The following ROBO1 variants were observed in gnomAD, a reference collection of about 807,000 sequenced individuals.
The protein encoded by ROBO1 is roundabout homolog 1.
Under a neutral mutation model 195.9 loss-of-function variants are expected in ROBO1, and 149 were observed. That is an observed-to-expected ratio of 0.76 (90% CI 0.67 to 0.87). The LOEUF (loss-of-function observed/expected upper bound fraction) is 0.87. Ranked by LOEUF, ROBO1 falls within the 40% of genes least tolerant of loss-of-function variation. The probability of loss-of-function intolerance (pLI) is 0.00; values close to 1 mark genes in which losing one functional copy is unlikely to be tolerated. For missense variants in ROBO1, 1,933 were observed against 2,068.3 expected, an observed-to-expected ratio of 0.93 and a Z score of 1.27; for synonymous variants, 816 against 733.2, an observed-to-expected ratio of 1.11 and a Z score of -1.82.
chr3:78,702,571 A>C (rs2081444780), intron 8 of ROBO1, among the ~76,000 whole-genome samples: 1 of 152,212 alleles, frequency 6.6e-6, no homozygotes, highest in African/African-American at 2.4e-5. Flanking sequence ...GAACATTTTA[A>C]AATGTGCTAT....
At chr3:78,623,102 G>T (rs1704552956) in intron 26 of ROBO1, among the ~76,000 whole-genome samples, 1 of 152,188 alleles carries the variant, frequency 6.6e-6, no homozygotes, top group Non-Finnish European at 1.5e-5. Flanking sequence ...CGGGCACTAT[G>T]TTAGGAATTC....
intron 27 of ROBO1, among the ~76,000 whole-genome samples, 180 bp downstream of exon 27, chr3:78,617,455 G>C (rs1277542982): frequency 3.3e-5 from 5 of 151,398 alleles, no homozygotes; most frequent in Admixed American, 3.3e-4. Flanking sequence ...TCAAGGAAAA[G>C]GGAATAATCC....
chr3:79,435,162 T>C (rs1034226552), intron 2 of ROBO1, among the ~76,000 whole-genome samples: 8 of 152,122 alleles, frequency 5.3e-5, no homozygotes, highest in Admixed American at 2.6e-4. Context: ...TGTATACATA[T>C]GTAACAAACC....
intron 25 of ROBO1, among the ~76,000 whole-genome samples, chr3:78,628,541 C>T (rs1477691024): frequency 6.6e-6 from 1 of 152,068 alleles, no homozygotes; most frequent in East Asian, 1.9e-4. Context: ...GTATGTTTAT[C>T]GATTATAAGG....
At chr3:78,950,311 C>A (rs1375155712) in intron 3 of ROBO1, among the ~76,000 whole-genome samples, 1 of 151,926 alleles carries the variant, frequency 6.6e-6, no homozygotes, top group African/African-American at 2.4e-5. Flanking sequence ...CACGTATACA[C>A]CATGGAATAC....
Position 78,880,274 on chromosome 3 carries a change from T to C in ROBO1, c.499+58327A>G, listed in dbSNP as rs150471781. ...CAGTTAGGATCAGAAGATTGACTCCTACACAGTTATTTAAGATGTTAACAA... is the reference window on the plus strand; with the variant it reads ...CAGTTAGGATCAGAAGATTGACTCCCACACAGTTATTTAAGATGTTAACAA... On this transcript the variant is annotated intron_variant, in intron 4 of 30. Transcript: ENST00000464233. Among the ~76,000 whole-genome samples, 855 of 152,292 alleles carry C rather than the reference T, an allele frequency of 5.6e-3. 11 individuals carry two copies. Among genetic ancestry groups the C allele is most frequent in the African/African-American group, 0.019 (810 of 41,568 alleles).
chr3:79,289,092 A>AC (rs1553713668), intron 2 of ROBO1, among the ~76,000 whole-genome samples: 3 of 147,590 alleles, frequency 2.0e-5, no homozygotes, highest in Non-Finnish European at 3.0e-5. Flanking sequence ...AGGTGAAATC[A>AC]TTTTTTTTTT....
chr3:78,708,465 G>A (rs1022571948), intron 8 of ROBO1, among the ~76,000 whole-genome samples: 1 of 151,714 alleles, frequency 6.6e-6, no homozygotes, highest in Non-Finnish European at 1.5e-5. Flanking sequence ...AAAGAAAAAA[G>A]CATTTGCTTT....
chr3:79,589,951 C>A lies in ROBO1; in HGVS notation c.-40G>T, dbSNP rs779625708. On this transcript the variant is annotated 5_prime_UTR_variant, in exon 2 of 31. Transcript: ENST00000464233. Reference sequence around the variant, plus strand: ...TGCATTACAACCAGCCAGTGACAGACAATGTGTTATCTGGGGAGATTAAAA... The same window carrying A: ...TGCATTACAACCAGCCAGTGACAGAAAATGTGTTATCTGGGGAGATTAAAA... 17 of 1,394,458 alleles carry A rather than the reference C, an allele frequency of 1.2e-5. No homozygotes were observed. In the Admixed American group the frequency reaches 2.0e-4, roughly 17 times the overall value. 86.4% of individuals were successfully genotyped at this position (1,394,458 alleles called of 1,614,324 possible). A position where few individuals can be genotyped will look rare whatever the true frequency, so the allele number is the denominator to read the frequency against.
chr3:79,110,073 T>C (rs967886157), intron 3 of ROBO1, among the ~76,000 whole-genome samples: 1 of 151,964 alleles, frequency 6.6e-6, no homozygotes, highest in African/African-American at 2.4e-5. Context: ...ATTAGGAAAA[T>C]TGCTTTAATC....
chr3:78,691,328 A>G (rs897747116), intron 8 of ROBO1, among the ~76,000 whole-genome samples: 1 of 152,140 alleles, frequency 6.6e-6, no homozygotes, highest in African/African-American at 2.4e-5. Context: ...TCAAAAATAC[A>G]TAATCAGGTT....
intron 3 of ROBO1, among the ~76,000 whole-genome samples, chr3:79,037,469 A>G (rs2078401170): frequency 6.6e-6 from 1 of 152,156 alleles, no homozygotes; most frequent in Non-Finnish European, 1.5e-5. Context: ...TTACCCCAAG[A>G]TCAATATTAG....
intron 2 of ROBO1, among the ~76,000 whole-genome samples, chr3:79,415,121 T>C (rs1391610993): frequency 1.3e-5 from 2 of 152,134 alleles, no homozygotes; most frequent in Non-Finnish European, 2.9e-5. Flanking sequence ...CGGAAGTTAA[T>C]GTGAGTAGTC....
chr3:79,679,474 G>A (rs1351338745), intron 1 of ROBO1, among the ~76,000 whole-genome samples: 2 of 152,016 alleles, frequency 1.3e-5, no homozygotes, highest in Non-Finnish European at 2.9e-5. Flanking sequence ...TATTTACTGT[G>A]AGAAGTATTA....
intron 4 of ROBO1, among the ~76,000 whole-genome samples, chr3:78,910,221 C>T (rs1167137218): frequency 4.0e-5 from 6 of 151,714 alleles, no homozygotes; most frequent in Middle Eastern, 3.2e-3. Flanking sequence ...AAGGATCCTG[C>T]GTGTTCCTAT....
chr3:79,280,044 A>C (rs1168260999), intron 2 of ROBO1, among the ~76,000 whole-genome samples: 1 of 152,204 alleles, frequency 6.6e-6, no homozygotes, highest in African/African-American at 2.4e-5. Flanking sequence ...AAGCTAAAAA[A>C]TGTTGATCTC....
chr3:79,502,441 T>A (rs1269318475), intron 2 of ROBO1, among the ~76,000 whole-genome samples: 1 of 152,046 alleles, frequency 6.6e-6, no homozygotes. Flanking sequence ...CTTAGCTGCC[T>A]CCCCGCGGGG....
At chr3:79,462,369 C>T (rs905579636) in intron 2 of ROBO1, among the ~76,000 whole-genome samples, 5 of 152,184 alleles carry the variant, frequency 3.3e-5, no homozygotes, top group Non-Finnish European at 5.9e-5. Flanking sequence ...GGAAACGACA[C>T]ACTTTCAAAG....
chr3:78,941,215 G>C (rs190217347), intron 3 of ROBO1, among the ~76,000 whole-genome samples: 1 of 152,090 alleles, frequency 6.6e-6, no homozygotes, highest in African/African-American at 2.4e-5. Flanking sequence ...CTTAGTGCAC[G>C]TATACAGCAT....
Sources: allele counts gnomAD v4.1 joint callset (sites outside exome capture counted in the v4.1 genomes callset), GRCh38; gene constraint gnomAD v4.1.1; transcripts MANE v1.5; gene names NCBI Gene and HGNC (gene_info 2026-07-23, HGNC 2026-07-21).